Variants in OR1J2 observed in about 807,000 individuals in gnomAD.
OR1J2 encodes the protein olfactory receptor 1J2.
For synonymous variants in OR1J2, 142 were observed against 99.7 expected, an observed-to-expected ratio of 1.42 and a Z score of -2.52; for missense variants, 304 against 246.1, an observed-to-expected ratio of 1.24 and a Z score of -1.57.
At chr9:122,455,893 C>G in the OR1J2 span, among the ~76,000 whole-genome samples, 1 of 152,060 alleles carries the variant, frequency 6.6e-6, no homozygotes, top group Non-Finnish European at 1.5e-5. Flanking sequence ...AAGGGCTCAA[C>G]TTTATTACTT....
At chr9:122,520,172 A>T in the OR1J2 span, 2 of 883,156 alleles carry the variant, frequency 2.3e-6, no homozygotes, top group Non-Finnish European at 3.4e-6. Flanking sequence ...ATAAGTGCTC[A>T]GTAACTCTCT....
the OR1J2 span, chr9:122,527,437 C>G: frequency 3.3e-6 from 2 of 607,068 alleles, no homozygotes; most frequent in East Asian, 5.5e-5. Context: ...TGCTTCTTTT[C>G]TCTCTTCATC....
At chr9:122,481,594 A>G in the OR1J2 span, among the ~76,000 whole-genome samples, 2 of 152,236 alleles carry the variant, frequency 1.3e-5, no homozygotes, top group Admixed American at 1.3e-4. Flanking sequence ...CAATAAACAT[A>G]TTAAGCATGT....
At chr9:122,531,142 G>T in the OR1J2 span, among the ~76,000 whole-genome samples, 1 of 152,206 alleles carries the variant, frequency 6.6e-6, no homozygotes, top group Non-Finnish European at 1.5e-5. Flanking sequence ...GATTAGGGGT[G>T]AGCGTGGGAA....
Position 122,511,082 on chromosome 9 carries a change from A to C in OR1J2, c.281A>C (p.Tyr94Ser), listed in dbSNP as rs113099486. ...DMRTKYKSILYEECISQMYFF... is the reference protein window; with the variant it reads ...DMRTKYKSILSEECISQMYFF... Reference sequence around the variant, plus strand: ...CGGACTAAGTACAAATCGATCCTCTATGAGGAATGCATTTCTCAGATGTAT... The same window carrying C: ...CGGACTAAGTACAAATCGATCCTCTCTGAGGAATGCATTTCTCAGATGTAT... Residue 94 changes from tyrosine to serine, a missense_variant, in exon 1 of 1, where the codon TAT becomes TCT. Tyr to Ser is a moderately radical substitution (Grantham distance 144). Transcript: ENST00000335302. The C allele has an allele frequency of 8.5e-7, 1 of 1,181,476 alleles. No homozygotes were observed. The highest frequency in any genetic ancestry group is 1.4e-5 in the South Asian group (1 of 73,928). The allele number at this position is 1,181,476 out of a possible 1,614,324, so 73.2% of individuals were successfully genotyped here.
chr9:122,509,015 C>T (rs753819031), upstream of OR1J2, among the ~76,000 whole-genome samples: 7 of 152,190 alleles, frequency 4.6e-5, no homozygotes, highest in Non-Finnish European at 1.0e-4. Context: ...ATAACATCTT[C>T]GAATACGTCT....
the OR1J2 span, among the ~76,000 whole-genome samples, chr9:122,452,304 G>C: frequency 1.3e-5 from 2 of 152,182 alleles, no homozygotes; most frequent in African/African-American, 4.8e-5. Context: ...AATACCAATT[G>C]TATCACAGAG....
chr9:122,452,953 G>A, the OR1J2 span, among the ~76,000 whole-genome samples: 2 of 150,692 alleles, frequency 1.3e-5, no homozygotes, highest in East Asian at 2.0e-4. Context: ...GCTTGAACCC[G>A]GGAGGCAGAG....
chr9:122,527,759 T>G, the OR1J2 span, among the ~76,000 whole-genome samples: 10 of 152,188 alleles, frequency 6.6e-5, no homozygotes, highest in Non-Finnish European at 8.8e-5. Flanking sequence ...CATTATTTCT[T>G]TTGAAAAAGA....
the OR1J2 span, among the ~76,000 whole-genome samples, chr9:122,555,325 A>T: frequency 6.6e-6 from 1 of 152,068 alleles, no homozygotes; most frequent in African/African-American, 2.4e-5. Context: ...TGGTCATTCT[A>T]CCTCTCTCCT....
the OR1J2 span, among the ~76,000 whole-genome samples, chr9:122,487,878 GA>G: frequency 4.7e-4 from 71 of 152,210 alleles, no homozygotes; most frequent in African/African-American, 1.6e-3. Context: ...ATTATGTACA[GA>G]TTTTTTTTAT....
the OR1J2 span, among the ~76,000 whole-genome samples, chr9:122,499,075 A>T: frequency 1.4e-4 from 22 of 152,332 alleles, no homozygotes; most frequent in African/African-American, 5.1e-4. Flanking sequence ...TCAGGCAATG[A>T]TCTGATTTGA....
chr9:122,477,659 G>C, the OR1J2 span: 1 of 1,614,242 alleles, frequency 6.2e-7, no homozygotes, highest in Non-Finnish European at 8.5e-7. Context: ...AAGACGGCTA[G>C]GTGCTGAGTC....
chr9:122,487,565 G>T, the OR1J2 span, among the ~76,000 whole-genome samples: 3 of 152,056 alleles, frequency 2.0e-5, no homozygotes, highest in Non-Finnish European at 4.4e-5. Flanking sequence ...CAGCTCCTTG[G>T]TATGAACCAA....
At chr9:122,519,838 G>T in the OR1J2 span, 1 of 1,613,936 alleles carries the variant, frequency 6.2e-7, no homozygotes, top group Admixed American at 1.7e-5. Flanking sequence ...TCTACTAAGG[G>T]CATCTTCAAA....
the OR1J2 span, among the ~76,000 whole-genome samples, chr9:122,452,847 G>T: frequency 6.6e-6 from 1 of 150,748 alleles, no homozygotes; most frequent in Non-Finnish European, 1.5e-5. Context: ...TGACCAACAT[G>T]GTGAAACCCC....
the OR1J2 span, among the ~76,000 whole-genome samples, chr9:122,492,215 A>T: frequency 6.6e-6 from 1 of 151,930 alleles, no homozygotes; most frequent in East Asian, 1.9e-4. Context: ...TGACTACCCA[A>T]TGTTTAGCTC....
downstream of OR1J2, among the ~76,000 whole-genome samples, chr9:122,511,931 T>G (rs1828645616): frequency 1.3e-5 from 2 of 152,226 alleles, no homozygotes; most frequent in Admixed American, 6.5e-5. Context: ...TTCTTTATAG[T>G]TTTTGGTCAG....
chr9:122,507,373 C>T (rs528514794), upstream of OR1J2, among the ~76,000 whole-genome samples: 2 of 152,194 alleles, frequency 1.3e-5, no homozygotes, highest in African/African-American at 2.4e-5. Context: ...CAGTTATCCT[C>T]TTGCCATTGG....
Sources: gnomAD v4.1 joint callset for allele counts (sites outside exome capture counted in the v4.1 genomes callset) on GRCh38, gnomAD v4.1.1 for gene constraint, MANE v1.5 for transcripts, NCBI Gene and HGNC (gene_info 2026-07-23, HGNC 2026-07-21) for gene names.